UNC5D: variants seen among roughly 807,000 people sequenced by gnomAD.
UNC5D encodes unc-5 netrin receptor D, also known as netrin receptor UNC5D.
A neutral mutation model predicts 105.4 loss-of-function variants in UNC5D; 39 were observed. That is an observed-to-expected ratio of 0.37 (90% CI 0.29 to 0.48). The LOEUF is 0.48. UNC5D is among the 20% of genes least tolerant of loss of function. The pLI is 0.98. For synonymous variants in UNC5D, 452 were observed against 450.4 expected, an observed-to-expected ratio of 1.00 and a Z score of -0.04; for missense variants, 991 against 1,202.4, an observed-to-expected ratio of 0.82 and a Z score of 2.60.
chr8:35,681,980 G>C (rs113863678), intron 4 of UNC5D, among the ~76,000 whole-genome samples: 1 of 151,772 alleles, frequency 6.6e-6, no homozygotes, highest in African/African-American at 2.4e-5. Flanking sequence ...TTGGGGGGAG[G>C]GGCGGACGGA....
In UNC5D at chr8:35,674,546, TA is replaced by T. The variant is rs1365650996; in HGVS notation, c.571-8997del. 1.1e-4 allele frequency among the ~76,000 whole-genome samples: 16 copies of T among 152,308 alleles called. No homozygotes were observed. The South Asian group carries it at 3.1e-3, about 30-fold the overall frequency. On this transcript the variant is annotated intron_variant, in intron 4 of 16. Transcript: ENST00000404895. ...AATTAACTAACACATGTATAGTGCCTAAAAGAGTATTTGGCACATGGTAAGT... is the reference window on the plus strand; with the variant it reads ...AATTAACTAACACATGTATAGTGCCTAAAGAGTATTTGGCACATGGTAAGT...
intron 1 of UNC5D, among the ~76,000 whole-genome samples, chr8:35,507,154 C>A (rs149127825): frequency 0.086 from 12,264 of 142,422 alleles, 804 homozygotes; most frequent in East Asian, 0.25. Context: ...CTCCCGGGTT[C>A]ACGCCATTCT....
chr8:35,292,543 G>A (rs576877310), intron 1 of UNC5D, among the ~76,000 whole-genome samples: 8 of 152,120 alleles, frequency 5.3e-5, no homozygotes, highest in South Asian at 4.2e-4. Context: ...AAAACCACAG[G>A]GCTTAGGAAT....
In UNC5D at chr8:35,373,629, T is replaced by A. The variant is rs914803818; in HGVS notation, c.103+137742T>A. 2.6e-5 allele frequency among the ~76,000 whole-genome samples: 4 copies of A among 152,178 alleles called. No individual in the cohort carries two copies. In the East Asian group the frequency reaches 7.7e-4, roughly 29 times the overall value. On this transcript the variant is annotated intron_variant, in intron 1 of 16. Coordinates refer to ENST00000404895, the MANE Select transcript of UNC5D (RefSeq NM_080872.4). ...CTCCCTGATAAGGAAGATGATGATG[T>A]TATTTTGAATTTACCCTGTCTTGAG...
intron 1 of UNC5D, among the ~76,000 whole-genome samples, chr8:35,245,634 C>T (rs1412446407): frequency 6.6e-6 from 1 of 152,054 alleles, no homozygotes; most frequent in South Asian, 2.1e-4. Context: ...ATAAAAATAT[C>T]CATCTGATGT....
At chr8:35,752,160 A>T (rs955089282) in intron 13 of UNC5D, among the ~76,000 whole-genome samples, 1 of 152,138 alleles carries the variant, frequency 6.6e-6, no homozygotes, top group Non-Finnish European at 1.5e-5. Flanking sequence ...ACTTTTAATC[A>T]TGTAAGATTC....
chr8:35,412,137 C>T (rs548269198), intron 1 of UNC5D, among the ~76,000 whole-genome samples: 2 of 152,170 alleles, frequency 1.3e-5, no homozygotes, highest in African/African-American at 4.8e-5. Context: ...TGCTTTACAT[C>T]ATCTTCAGTA....
intron 1 of UNC5D, among the ~76,000 whole-genome samples, chr8:35,341,870 A>G (rs1027844925): frequency 1.3e-5 from 2 of 152,146 alleles, no homozygotes; most frequent in African/African-American, 2.4e-5. Flanking sequence ...TGCAATAACC[A>G]TGCGGTTCTT....
chr8:35,337,407 C>A (rs1237027544), intron 1 of UNC5D, among the ~76,000 whole-genome samples: 2 of 152,152 alleles, frequency 1.3e-5, no homozygotes, highest in African/African-American at 4.8e-5. Flanking sequence ...TGGGTTTATT[C>A]TTTTTCCATT....
intron 4 of UNC5D, among the ~76,000 whole-genome samples, chr8:35,652,547 AG>A (rs1347632187): frequency 2.0e-5 from 3 of 152,154 alleles, no homozygotes; most frequent in Non-Finnish European, 4.4e-5. Flanking sequence ...AGATGAGTAA[AG>A]CATAGCATAA....
At chr8:35,727,877 A>AAGAGGACTCATTT (rs1177119226) in intron 10 of UNC5D, 1 of 151,836 alleles carries the variant, frequency 6.6e-6, no homozygotes, top group African/African-American at 2.4e-5. Flanking sequence ...CATAAACTAG[A>AAGAGGACTCATTT]CATGTGAGTC....
At position 35,297,461 on chromosome 8, in the gene UNC5D, A is replaced by G. The variant is rs367703764; in HGVS notation, c.103+61574A>G. Among the ~76,000 whole-genome samples the G allele has an allele frequency of 3.6e-4, 55 of 152,276 alleles. 1 individual carries two copies. The South Asian group carries it at 9.5e-3, about 26-fold the overall frequency. ...TCCCATGATTTGAGTAGCAGAGGAT[A>G]GAAATATTTAAATGATGGAATCACA... On this transcript the variant is annotated intron_variant, in intron 1 of 16. Transcript: ENST00000404895.
intron 1 of UNC5D, among the ~76,000 whole-genome samples, chr8:35,497,556 G>A (rs1811676918): frequency 1.3e-5 from 2 of 151,754 alleles, no homozygotes; most frequent in African/African-American, 2.4e-5. Context: ...GAAATGATGC[G>A]TTAGATTTTG....
chr8:35,437,510 T>G, intron 1 of UNC5D, among the ~76,000 whole-genome samples: 1 of 152,252 alleles, frequency 6.6e-6, no homozygotes, highest in Non-Finnish European at 1.5e-5. Context: ...CTATTAAATA[T>G]TCTAAACCAT....
intron 4 of UNC5D, among the ~76,000 whole-genome samples, chr8:35,605,702 A>G (rs1820247339): frequency 6.6e-6 from 1 of 152,204 alleles, no homozygotes; most frequent in African/African-American, 2.4e-5. Context: ...CCATATATGC[A>G]AATATAAATT....
At chr8:35,668,487 G>A (rs571117999) in intron 4 of UNC5D, among the ~76,000 whole-genome samples, 9 of 151,684 alleles carry the variant, frequency 5.9e-5, no homozygotes, top group Non-Finnish European at 8.8e-5. Context: ...ATGGCTTCTC[G>A]TTTTCATACC....
intron 1 of UNC5D, among the ~76,000 whole-genome samples, chr8:35,264,729 C>CAAA (rs6150548): frequency 6.2e-4 from 89 of 142,512 alleles, no homozygotes; most frequent in Non-Finnish European, 1.0e-3. Context: ...GACTCTGTCT[C>CAAA]AAAAAAAAAA....
At chr8:35,649,553 C>A (rs966895608) in intron 4 of UNC5D, among the ~76,000 whole-genome samples, 1 of 152,160 alleles carries the variant, frequency 6.6e-6, no homozygotes, top group South Asian at 2.1e-4. Flanking sequence ...TTACTGGCTC[C>A]TTTTCAATCA....
chr8:35,768,194 G>A (rs374096986), intron 15 of UNC5D, among the ~76,000 whole-genome samples: 1 of 151,976 alleles, frequency 6.6e-6, no homozygotes, highest in Non-Finnish European at 1.5e-5. Flanking sequence ...AATGAGCATT[G>A]CTAATTCCCC....
Sources: allele counts gnomAD v4.1 joint callset (sites outside exome capture counted in the v4.1 genomes callset), GRCh38; gene constraint gnomAD v4.1.1; transcripts MANE v1.5; gene names NCBI Gene and HGNC (gene_info 2026-07-23, HGNC 2026-07-21).